TMCO6: variants seen among roughly 807,000 people sequenced by gnomAD.
TMCO6 encodes transmembrane and coiled-coil domains 6, also known as transmembrane and coiled-coil domain-containing protein 6.
TMCO6 carries 47 observed loss-of-function variants against 61.8 expected under a neutral mutation model. The ratio of observed to expected loss-of-function variants is 0.76; its 90% CI spans 0.60 to 0.97. TMCO6 has a LOEUF of 0.97. TMCO6 is among the 50% of genes least tolerant of loss of function. The probability of loss-of-function intolerance (pLI) is 0.00; values close to 1 mark genes in which losing one functional copy is unlikely to be tolerated. For synonymous variants in TMCO6, 261 were observed against 254.2 expected (o/e 1.03, Z -0.25); for missense variants, 557 against 601.6 (o/e 0.93, Z 0.78).
chr5:140,604,757 G>A, the TMCO6 span, among the ~76,000 whole-genome samples: 1 of 149,798 alleles, frequency 6.7e-6, no homozygotes, highest in Non-Finnish European at 1.5e-5. Flanking sequence ...TATGGAGAGA[G>A]GTAATGGTCT....
chr5:140,643,029 ACAT>A lies in TMCO6; in HGVS notation c.799_801del (p.Ile267del). The A allele has an allele frequency of 6.2e-7, 1 of 1,614,208 alleles. No homozygotes were observed. The highest frequency in any genetic ancestry group is 8.5e-7 in the Non-Finnish European group (1 of 1,180,030). On this transcript the variant is annotated inframe_deletion, in exon 7 of 12. Transcript: ENST00000394671. ...GTGGAGTTTGCCTGGTGCCTTCATT[ACAT>A]CATCTGCAGGTAACAGGGCAATTGG...
the TMCO6 span, among the ~76,000 whole-genome samples, chr5:140,613,667 G>A: frequency 4.0e-5 from 6 of 151,818 alleles, no homozygotes; most frequent in Non-Finnish European, 8.8e-5. Context: ...CAAGTTTTCC[G>A]TCTACTGTTT....
intron 2 of TMCO6, 88 bp downstream of exon 2, chr5:140,639,939 G>A (rs1220675991): frequency 2.7e-6 from 3 of 1,114,854 alleles, no homozygotes; most frequent in African/African-American, 3.1e-5. Context: ...AAACCTGAAC[G>A]CAATCCACTC....
chr5:140,624,513 C>T, the TMCO6 span, among the ~76,000 whole-genome samples: 1 of 152,106 alleles, frequency 6.6e-6, no homozygotes, highest in Admixed American at 6.6e-5. Context: ...AGAGGTCATT[C>T]CCCTTGACCA....
At chr5:140,605,732 CACACACA>C in the TMCO6 span, among the ~76,000 whole-genome samples, 5,906 of 49,774 alleles carry the variant, frequency 0.12, 198 homozygotes, top group Non-Finnish European at 0.17. Context: ...CACACACACA[CACACACA>C]AAGAAAGAAG....
the TMCO6 span, among the ~76,000 whole-genome samples, chr5:140,619,985 G>T: frequency 6.6e-6 from 1 of 152,160 alleles, no homozygotes; most frequent in Non-Finnish European, 1.5e-5. Context: ...CAGTTTGGCC[G>T]TTTCTTACAA....
chr5:140,631,370 G>A, the TMCO6 span, among the ~76,000 whole-genome samples: 1 of 152,074 alleles, frequency 6.6e-6, no homozygotes, highest in South Asian at 2.1e-4. Flanking sequence ...AAAGAATAAG[G>A]AAATAAGCAA....
rs200667111 is a variant in TMCO6 at position 140,644,588 on chromosome 5, T to C, written c.1216T>C (p.Cys406Arg). The change falls in exon 11 of 12, where the codon TGC becomes CGC. Residue 406 changes from cysteine to arginine, a missense_variant. Cys to Arg is a radical substitution (Grantham distance 180). Coordinates refer to ENST00000394671, the MANE Select transcript of TMCO6 (RefSeq NM_018502.5). ...CTATCTGCAGGTGCTCACAGTTCTG[T>C]GCAATGTTGCAGAAAAGGGTCCTGC... ...VVSVMVLTVL[C>R]NVAEKGPAYC... The C allele has an allele frequency of 6.2e-7, 1 of 1,614,238 alleles. No homozygotes were observed. Among genetic ancestry groups the C allele is most frequent in the Non-Finnish European group, 8.5e-7 (1 of 1,180,038 alleles).
At chr5:140,613,485 T>C in the TMCO6 span, among the ~76,000 whole-genome samples, 1 of 148,458 alleles carries the variant, frequency 6.7e-6, no homozygotes, top group Admixed American at 6.7e-5. Flanking sequence ...GAGCCACACC[T>C]ACCCATCAGC....
the TMCO6 span, among the ~76,000 whole-genome samples, chr5:140,600,645 A>G: frequency 6.6e-6 from 1 of 151,926 alleles, no homozygotes; most frequent in African/African-American, 2.4e-5. Context: ...TTGTATTTTT[A>G]GTAGAGACAG....
chr5:140,644,649 C>T lies in TMCO6; in HGVS notation c.1277C>T (p.Pro426Leu), dbSNP rs985728346. Reference protein sequence around the residue: ...CQRLWPGPLLPALLHTLAFSD... With the variant: ...CQRLWPGPLLLALLHTLAFSD... ...CGGCTGTGGCCAGGGCCCCTGCTTCCCGCCTTGCTGCACACACTAGCCTTT... is the reference window on the plus strand; with the variant it reads ...CGGCTGTGGCCAGGGCCCCTGCTTCTCGCCTTGCTGCACACACTAGCCTTT... Residue 426 changes from proline to leucine, a missense_variant, in exon 11 of 12, where the codon CCC becomes CTC. Transcript: ENST00000394671. 49 of 1,614,128 alleles carry T rather than the reference C, an allele frequency of 3.0e-5. No homozygotes were observed. The highest frequency in any genetic ancestry group is 3.9e-5 in the Non-Finnish European group (46 of 1,180,052).
the TMCO6 span, among the ~76,000 whole-genome samples, chr5:140,628,845 A>G: frequency 6.6e-6 from 1 of 152,180 alleles, no homozygotes; most frequent in South Asian, 2.1e-4. Context: ...GCACTGCTAT[A>G]TGGTAACTGT....
chr5:140,614,796 A>G, the TMCO6 span, among the ~76,000 whole-genome samples: 5 of 151,976 alleles, frequency 3.3e-5, no homozygotes, highest in Admixed American at 1.3e-4. Flanking sequence ...TTGTATTTTT[A>G]GTAGAGACAG....
At chr5:140,640,663 C>T (rs1306740872) in intron 2 of TMCO6, among the ~76,000 whole-genome samples, 2 of 152,196 alleles carry the variant, frequency 1.3e-5, no homozygotes, top group Non-Finnish European at 2.9e-5. Context: ...TCCCAAAGTG[C>T]TGGGATTACA....
chr5:140,616,445 C>T, the TMCO6 span, among the ~76,000 whole-genome samples: 1 of 152,034 alleles, frequency 6.6e-6, no homozygotes, highest in Non-Finnish European at 1.5e-5. Context: ...GCCTATAGCC[C>T]TAGCTACCTA....
downstream of TMCO6, chr5:140,645,662 C>T (rs112106311): frequency 1.9e-5 from 31 of 1,613,982 alleles, no homozygotes; most frequent in East Asian, 2.2e-4. Context: ...AAGGGACATT[C>T]GTCTCTTGGC....
the TMCO6 span, chr5:140,609,367 G>A: frequency 3.9e-6 from 1 of 257,022 alleles, no homozygotes; most frequent in Non-Finnish European, 8.5e-6. Flanking sequence ...GCAACATCCT[G>A]GCCGCCAAGA....
Position 140,642,351 on chromosome 5 carries a change from G to A in TMCO6, c.535G>A (p.Glu179Lys), listed in dbSNP as rs1241785125. 1 of 1,613,772 alleles carries A rather than the reference G, an allele frequency of 6.2e-7. No homozygotes were observed. The highest frequency in any genetic ancestry group is 1.3e-5 in the African/African-American group (1 of 74,940). The change falls in exon 5 of 12, where the codon GAG (glutamate) becomes AAG (lysine). Residue 179 changes from glutamate to lysine, a missense_variant. Coordinates refer to ENST00000394671, the MANE Select transcript of TMCO6 (RefSeq NM_018502.5). ...CLYTLGNLIV[E>K]SEAVRRQLLP... ...GTATACACTGGGTAACCTGATCGTG[G>A]AGAGTGAGGCTGTGAGAAGGCAGCT... is the stretch of plus-strand genomic sequence containing the variant.
upstream of TMCO6, among the ~76,000 whole-genome samples, chr5:140,635,582 TCAAC>T (rs1756753181): frequency 2.0e-5 from 3 of 152,178 alleles, no homozygotes; most frequent in African/African-American, 4.8e-5. Flanking sequence ...ACAGCTTGAT[TCAAC>T]AAATGTCTAT....
Sources: allele counts gnomAD v4.1 joint callset (sites outside exome capture counted in the v4.1 genomes callset), GRCh38; gene constraint gnomAD v4.1.1; transcripts MANE v1.5; gene names NCBI Gene and HGNC (gene_info 2026-07-23, HGNC 2026-07-21).